AGMO: variants seen among roughly 807,000 people sequenced by gnomAD.
AGMO encodes the protein alkylglycerol monooxygenase.
A neutral mutation model predicts 60.2 loss-of-function variants in AGMO; 75 were observed. The ratio of observed to expected loss-of-function variants is 1.25; its 90% confidence interval spans 1.03 to 1.51. AGMO has a LOEUF of 1.51. Among genes scored for constraint, AGMO ranks in the 40% most tolerant of loss-of-function variants. AGMO has a pLI of 0.00. For missense variants in AGMO, 763 were observed against 525.5 expected (o/e 1.45, Z -4.42); for synonymous variants, 261 against 177.1 (o/e 1.47, Z -3.76).
At position 15,408,317 on chromosome 7, in the gene AGMO, C is replaced by A. The variant is rs138167885; in HGVS notation, c.609+10241G>T. Among the ~76,000 whole-genome samples the A allele has an allele frequency of 7.2e-5, 11 of 151,788 alleles. No homozygotes were observed. The East Asian group carries it at 1.9e-3, about 27-fold the overall frequency. The stretch of plus-strand genomic sequence containing the variant: ...GAAATTTTTTCTCATGTTAGGAGCA[C>A]CCTAATATTATTTGGGTTCTAAAAT... On this transcript the variant is annotated intron_variant, in intron 5 of 12. Coordinates refer to ENST00000342526, the MANE Select transcript of AGMO (RefSeq NM_001004320.2).
the AGMO span, among the ~76,000 whole-genome samples, chr7:15,146,342 T>A: frequency 6.6e-6 from 1 of 152,192 alleles, no homozygotes; most frequent in African/African-American, 2.4e-5. Context: ...CTGGGCTTAA[T>A]GTATGGCTCA....
In AGMO at chr7:15,331,500, G is replaced by GTT. The variant is rs540835278; in HGVS notation, c.1263+34013_1263+34014insAA. Among the ~76,000 whole-genome samples, 199 of 152,290 alleles carry GTT rather than the reference G, an allele frequency of 1.3e-3. 2 individuals are homozygous for GTT. The highest frequency in any genetic ancestry group is 4.7e-3 in the African/African-American group (195 of 41,568). On this transcript the variant is annotated intron_variant, in intron 12 of 12. Transcript: ENST00000342526. ...CAAGTGCTTAAAATTCAGGGAAAGG[G>GTT]GTAGAAGCCCTGTGTGAAAACAGGC...
the AGMO span, among the ~76,000 whole-genome samples, chr7:15,156,922 T>C: frequency 2.6e-5 from 4 of 152,188 alleles, no homozygotes; most frequent in African/African-American, 9.7e-5. Context: ...TTGTTTTCTA[T>C]TGGCTTTCAA....
At chr7:15,122,084 G>T in the AGMO span, among the ~76,000 whole-genome samples, 1 of 152,122 alleles carries the variant, frequency 6.6e-6, no homozygotes, top group Non-Finnish European at 1.5e-5. Context: ...AAGAGCTTCT[G>T]CTCAGCAAAA....
At chr7:15,153,951 C>A in the AGMO span, among the ~76,000 whole-genome samples, 8 of 152,154 alleles carry the variant, frequency 5.3e-5, no homozygotes, top group South Asian at 2.1e-4. Flanking sequence ...GTCATTTTCA[C>A]AATATTGATT....
intron 12 of AGMO, among the ~76,000 whole-genome samples, chr7:15,213,920 G>A (rs570560576): frequency 6.6e-6 from 1 of 152,070 alleles, no homozygotes. Context: ...AGTGCTTCAA[G>A]GACAACAGAA....
intron 12 of AGMO, among the ~76,000 whole-genome samples, chr7:15,248,202 A>ATG (rs1782815485): frequency 2.0e-4 from 19 of 93,040 alleles, no homozygotes; most frequent in Admixed American, 4.4e-4. Context: ...ATATATATAT[A>ATG]TATATATATA....
At position 15,246,015 on chromosome 7, in the gene AGMO, T is replaced by G. The variant is rs142062192; in HGVS notation, c.1264-44656A>C. ...TTAAGAGATGTCTTACCATGGAAAA[T>G]AAAAGCATTTTCCTTGAATACATCA... On this transcript the variant is annotated intron_variant, in intron 12 of 12. Transcript: ENST00000342526. Among the ~76,000 whole-genome samples the G allele has an allele frequency of 1.1e-3, 161 of 152,146 alleles. 1 individual carries two copies. Among genetic ancestry groups the G allele is most frequent in the Admixed American group, 1.8e-3 (28 of 15,282 alleles).
chr7:15,512,372 C>CT (rs1783698305), intron 3 of AGMO, among the ~76,000 whole-genome samples: 1 of 152,286 alleles, frequency 6.6e-6, no homozygotes, highest in Admixed American at 6.5e-5. Context: ...CCTGCCTCAG[C>CT]TTTTCAAGTA....
downstream of AGMO, among the ~76,000 whole-genome samples, chr7:15,198,486 G>A (rs1291329965): frequency 6.6e-6 from 1 of 152,150 alleles, no homozygotes; most frequent in African/African-American, 2.4e-5. Context: ...CGCCCAATGG[G>A]TTCATTGCCT....
At chr7:15,448,407 C>T (rs2128504551) in intron 3 of AGMO, among the ~76,000 whole-genome samples, 1 of 152,238 alleles carries the variant, frequency 6.6e-6, no homozygotes, top group South Asian at 2.1e-4. Flanking sequence ...ACCTAATCTG[C>T]TGACTTCTTT....
chr7:15,256,866 T>C (rs1422836343), intron 12 of AGMO, among the ~76,000 whole-genome samples: 3 of 152,180 alleles, frequency 2.0e-5, no homozygotes, highest in Admixed American at 1.3e-4. Flanking sequence ...TAAGATGGCA[T>C]GGGAAAATCA....
the AGMO span, among the ~76,000 whole-genome samples, chr7:15,163,189 C>T: frequency 6.6e-6 from 1 of 152,160 alleles, no homozygotes; most frequent in Non-Finnish European, 1.5e-5. Flanking sequence ...TGAAAATTTA[C>T]TGAAGTCATT....
intron 12 of AGMO, among the ~76,000 whole-genome samples, chr7:15,290,515 C>T (rs1583369682): frequency 1.3e-5 from 2 of 152,138 alleles, no homozygotes; most frequent in South Asian, 2.1e-4. Flanking sequence ...TATCTTCTTA[C>T]TAGCTGCAGT....
chr7:15,213,833 T>C (rs1434833040), intron 12 of AGMO, among the ~76,000 whole-genome samples: 1 of 151,998 alleles, frequency 6.6e-6, no homozygotes, highest in African/African-American at 2.4e-5. Flanking sequence ...ATAACTCTTA[T>C]GAAAATTTTG....
At chr7:15,454,734 T>G (rs1253570409) in intron 3 of AGMO, among the ~76,000 whole-genome samples, 1 of 152,150 alleles carries the variant, frequency 6.6e-6, no homozygotes, top group Admixed American at 6.6e-5. Flanking sequence ...CACCATCGTT[T>G]CAAAAGCTTT....
chr7:15,460,888 A>T (rs1782125294), intron 3 of AGMO, among the ~76,000 whole-genome samples: 1 of 152,220 alleles, frequency 6.6e-6, no homozygotes, highest in South Asian at 2.1e-4. Flanking sequence ...TTTATTATTA[A>T]TGAAATAATG....
chr7:15,274,589 T>C (rs1353002762), intron 12 of AGMO, among the ~76,000 whole-genome samples: 1 of 152,104 alleles, frequency 6.6e-6, no homozygotes, highest in East Asian at 1.9e-4. Flanking sequence ...ACTGCTTTTA[T>C]AAAATCAGTC....
At chr7:15,274,677 G>T in intron 12 of AGMO, among the ~76,000 whole-genome samples, 1 of 149,416 alleles carries the variant, frequency 6.7e-6, no homozygotes, top group East Asian at 2.0e-4. Flanking sequence ...TTCAGTTGTG[G>T]ATCCATCTGG....
Sources: gnomAD v4.1 joint callset for allele counts (sites outside exome capture counted in the v4.1 genomes callset) on GRCh38, gnomAD v4.1.1 for gene constraint, MANE v1.5 for transcripts, NCBI Gene and HGNC (gene_info 2026-07-23, HGNC 2026-07-21) for gene names.